PIK3CD: variants seen among roughly 807,000 people sequenced by gnomAD.
The protein encoded by PIK3CD is phosphatidylinositol-4,5-bisphosphate 3-kinase catalytic subunit delta.
In PIK3CD, 20 loss-of-function variants were observed where a neutral mutation model predicts 122.9. That is an observed-to-expected ratio of 0.16 (90% CI 0.11 to 0.24). PIK3CD has a LOEUF of 0.24. Ranked by LOEUF, PIK3CD falls within the 10% of genes least tolerant of loss-of-function variation. The pLI, the probability that PIK3CD is intolerant of heterozygous loss-of-function variation, is 1.00. For missense variants in PIK3CD, 787 were observed against 1,406.3 expected (o/e 0.56, Z 7.04); for synonymous variants, 596 against 593.4 (o/e 1.00, Z -0.06).
rs1649977565 is a variant in PIK3CD at position 9,728,197 on chromosome 1, CTG to C, written c.*1154_*1155del. 1 of 152,272 alleles carries C rather than the reference CTG, an allele frequency of 6.6e-6. No individual in the cohort carries two copies. The highest frequency in any genetic ancestry group is 6.5e-5 in the Admixed American group (1 of 15,270). The allele number at this position is 152,272 out of a possible 1,614,324, so 9.4% of individuals were successfully genotyped here. ...CAGAACCATCACCTTTGGGAACCTG[CTG>C]TGAGAGTGCTGAGGTACCAGAAGTG... On this transcript the variant is annotated 3_prime_UTR_variant, in exon 24 of 24. Coordinates refer to ENST00000377346, the MANE Select transcript of PIK3CD (RefSeq NM_005026.5).
chr1:9,666,225 GTCT>G (rs1645153000), intron 1 of PIK3CD, among the ~76,000 whole-genome samples: 1 of 97,410 alleles, frequency 1.0e-5, no homozygotes, highest in Non-Finnish European at 2.0e-5. Context: ...ACCGCGCCCG[GTCT>G]TTTTTTTTTT....
At chr1:9,631,377 G>C in the PIK3CD span, among the ~76,000 whole-genome samples, 1 of 152,198 alleles carries the variant, frequency 6.6e-6, no homozygotes, top group African/African-American at 2.4e-5. Flanking sequence ...CAGACTGGCC[G>C]GGTGCAGTGG....
chr1:9,668,738 T>G (rs1645236724), intron 1 of PIK3CD, among the ~76,000 whole-genome samples: 1 of 152,130 alleles, frequency 6.6e-6, no homozygotes, highest in Admixed American at 6.6e-5. Flanking sequence ...GCCTTAGAGG[T>G]AGATGGTCCC....
rs578054108 is a variant in PIK3CD at position 9,702,581 on chromosome 1, C to T, written c.-32-7843C>T. 2.1e-3 allele frequency among the ~76,000 whole-genome samples: 246 copies of T among 119,760 alleles called. 2 individuals are homozygous for T. Among genetic ancestry groups the T allele is most frequent in the South Asian group, 9.1e-3 (30 of 3,296 alleles). The allele number at this position is 119,760 out of a possible 152,430, so 78.6% of individuals were successfully genotyped here. A position where few individuals can be genotyped will look rare whatever the true frequency, so the allele number is the denominator to read the frequency against. ...TGCTGCCCAGGCTGGAGTGCAGTGG[C>T]GCCATCTCGGCCCACTGCAAACTCC... is the stretch of plus-strand genomic sequence containing the variant. On this transcript the variant is annotated intron_variant, in intron 2 of 23. Coordinates refer to ENST00000377346, the MANE Select transcript of PIK3CD (RefSeq NM_005026.5).
chr1:9,668,082 T>A (rs2100942414), intron 1 of PIK3CD, among the ~76,000 whole-genome samples: 1 of 151,936 alleles, frequency 6.6e-6, no homozygotes. Flanking sequence ...TGCCAATGAG[T>A]TTAAATAGCT....
At chr1:9,630,869 G>A in the PIK3CD span, among the ~76,000 whole-genome samples, 2 of 152,102 alleles carry the variant, frequency 1.3e-5, no homozygotes, top group African/African-American at 4.8e-5. Context: ...TGGCCCAGCA[G>A]GGAGGGCAGA....
chr1:9,638,197 C>T, the PIK3CD span, among the ~76,000 whole-genome samples: 1 of 152,116 alleles, frequency 6.6e-6, no homozygotes, highest in African/African-American at 2.4e-5. Context: ...TTCTCTAAGG[C>T]TCCTTATCAA....
At chr1:9,726,767 C>T (rs776243505) in intron 23 of PIK3CD, 142 bp from the exon 24 acceptor site, 57 of 1,050,456 alleles carry the variant, frequency 5.4e-5, no homozygotes, top group Middle Eastern at 2.5e-4. Context: ...AGGGTGGGAG[C>T]GGAATAGAGA....
rs1649012520 is a variant in PIK3CD, at chr1:9,723,474, C to T, written c.2594+182C>T. 6.6e-6 allele frequency among the ~76,000 whole-genome samples: 1 copy of T among 152,214 alleles called. No individual in the cohort carries two copies. Among genetic ancestry groups the T allele is most frequent in the South Asian group, 2.1e-4 (1 of 4,830 alleles). ...AGGTAGGTCTCTCTTCCCCAAGTAT[C>T]AGTGTCTCTTGCTATGCAACACCAT... On this transcript the variant is annotated intron_variant, in intron 20 of 23. Transcript: ENST00000377346. This position sits in a 1 kb window ranked among gnomAD's most constrained non-coding sequence, Gnocchi z 4.9.
At chr1:9,666,015 C>G (rs1434500110) in intron 1 of PIK3CD, among the ~76,000 whole-genome samples, 1 of 152,200 alleles carries the variant, frequency 6.6e-6, no homozygotes, top group Non-Finnish European at 1.5e-5. Context: ...CAACCTCCTT[C>G]TCCTGGCTTC....
At chr1:9,681,674 T>C (rs1645759604) in intron 1 of PIK3CD, among the ~76,000 whole-genome samples, 1 of 152,182 alleles carries the variant, frequency 6.6e-6, no homozygotes, top group Admixed American at 6.5e-5. Flanking sequence ...GCTCCAAAAG[T>C]GCTGGGATTA....
Position 9,666,008 on chromosome 1 carries a change from C to T in PIK3CD, c.-138+14206C>T, listed in dbSNP as rs557480632. On this transcript the variant is annotated intron_variant, in intron 1 of 23. Transcript: ENST00000377346. ...ATGGCACAATCTTGGCTCACTGCAA[C>T]CTCCTTCTCCTGGCTTCAAGCGATT... 8.5e-5 allele frequency among the ~76,000 whole-genome samples: 13 copies of T among 152,296 alleles called. No individual in the cohort carries two copies. In the South Asian group the frequency reaches 2.5e-3, roughly 29 times the overall value.
chr1:9,717,742 T>C lies in PIK3CD; in HGVS notation c.1020+116T>C. The stretch of plus-strand genomic sequence containing the variant: ...ATCACATGAAAGCCACCTGACCACA[T>C]TACCCAGCATCCCTGCCTGGGGCGC... On this transcript the variant is annotated intron_variant, in intron 8 of 23. Coordinates refer to ENST00000377346, the MANE Select transcript of PIK3CD (RefSeq NM_005026.5). This position sits in a 1 kb window ranked among gnomAD's most constrained non-coding sequence, Gnocchi z 5.4. 1.1e-6 allele frequency: 1 copy of C among 930,346 alleles called. No homozygotes were observed. Among genetic ancestry groups the C allele is most frequent in the Non-Finnish European group, 1.7e-6 (1 of 584,938 alleles). 57.6% of individuals were successfully genotyped at this position (930,346 alleles called of 1,614,324 possible).
At chr1:9,630,559 G>A in the PIK3CD span, among the ~76,000 whole-genome samples, 6 of 152,238 alleles carry the variant, frequency 3.9e-5, no homozygotes, top group Admixed American at 1.3e-4. Flanking sequence ...GCAGCTGAGC[G>A]AATAGGCAAT....
chr1:9,716,797 G>A lies in PIK3CD; in HGVS notation c.781-162G>A, dbSNP rs193033718. Among the ~76,000 whole-genome samples, 28 of 152,298 alleles carry A rather than the reference G, an allele frequency of 1.8e-4. No individual in the cohort carries two copies. The East Asian group carries it at 5.2e-3, about 28-fold the overall frequency. The stretch of plus-strand genomic sequence containing the variant: ...CTCTGAGAGCACAAGGAGGGGCTCC[G>A]TCTTGGGAGGTGGAGGTGGGGCAGG... On this transcript the variant is annotated intron_variant, in intron 6 of 23. Coordinates refer to ENST00000377346, the MANE Select transcript of PIK3CD (RefSeq NM_005026.5).
Position 9,715,625 on chromosome 1 carries a change from A to G in PIK3CD, c.226A>G (p.Thr76Ala). ...EAYVFTCINQ[T>A]AEQQELEDEQ... The stretch of plus-strand genomic sequence containing the variant: ...CTATGTGTTCACCTGCATCAACCAG[A>G]CAGCGGAGCAGCAAGAGCTGGAGGA... The change falls in exon 4 of 24, where the codon ACA (threonine) becomes GCA (alanine). Residue 76 changes from threonine to alanine, a missense_variant. Physicochemically the swap from Thr to Ala is moderately conservative, Grantham distance 58. Transcript: ENST00000377346. The surrounding 1 kb of genome is among the most constrained non-coding windows in gnomAD (Gnocchi z 4.1). 1.9e-6 allele frequency: 3 copies of G among 1,613,848 alleles called. No individual in the cohort carries two copies. The highest frequency in any genetic ancestry group is 2.5e-6 in the Non-Finnish European group (3 of 1,180,036).
chr1:9,715,830 A>T lies in PIK3CD; in HGVS notation c.371-19A>T. 8 of 707,842 alleles carry T rather than the reference A, an allele frequency of 1.1e-5. No individual in the cohort carries two copies. The highest frequency in any genetic ancestry group is 1.7e-5 in the Non-Finnish European group (7 of 412,868). The allele number at this position is 707,842 out of a possible 1,614,324, so 43.8% of individuals were successfully genotyped here. ...CCCTGCCTGCCCCACCCGCTGACCC[A>T]GCCCTCCCCACCCCGCAGGCCTCCA... On this transcript the variant is annotated intron_variant, in intron 4 of 23. Transcript: ENST00000377346. The surrounding 1 kb of genome is among the most constrained non-coding windows in gnomAD (Gnocchi z 4.1).
chr1:9,695,298 A>G (rs1646361912), intron 2 of PIK3CD, among the ~76,000 whole-genome samples: 1 of 152,160 alleles, frequency 6.6e-6, no homozygotes, highest in Non-Finnish European at 1.5e-5. Flanking sequence ...AGCTCAAGAA[A>G]AAAAGGCAAG....
At chr1:9,698,092 A>G (rs1646488672) in intron 2 of PIK3CD, among the ~76,000 whole-genome samples, 1 of 152,224 alleles carries the variant, frequency 6.6e-6, no homozygotes, top group South Asian at 2.1e-4. Flanking sequence ...CCTAGAAATT[A>G]AAATAATAAA....
Sources: allele counts gnomAD v4.1 joint callset (sites outside exome capture counted in the v4.1 genomes callset), GRCh38; gene constraint gnomAD v4.1.1; non-coding constraint Gnocchi (gnomAD v3.1); transcripts MANE v1.5; gene names NCBI Gene and HGNC (gene_info 2026-07-23, HGNC 2026-07-21).